The following CLK1 variants were observed in gnomAD, a reference collection of about 807,000 sequenced individuals.
The protein encoded by CLK1 is CDC like kinase 1.
CLK1 carries 40 observed loss-of-function variants against 60.9 expected under a neutral mutation model. The ratio of observed to expected loss-of-function variants is 0.66; its 90% CI spans 0.51 to 0.86. CLK1 has a LOEUF of 0.86. Ranked by LOEUF, CLK1 falls within the 40% of genes least tolerant of loss-of-function variation. CLK1 has a pLI of 0.00. For missense variants in CLK1, 563 were observed against 606.1 expected (o/e 0.93, Z 0.75); for synonymous variants, 203 against 184.4 (o/e 1.10, Z -0.82).
At chr2:200,856,415 C>A (rs2039045506) in intron 9 of CLK1, among the ~76,000 whole-genome samples, 1 of 152,078 alleles carries the variant, frequency 6.6e-6, no homozygotes, top group Non-Finnish European at 1.5e-5. Flanking sequence ...GCCACCGCGC[C>A]CCACCTGGCA....
intron 3 of CLK1, chr2:200,860,563 A>C (rs544893757): frequency 3.7e-4 from 379 of 1,023,380 alleles, no homozygotes; most frequent in Non-Finnish European, 4.4e-4. Context: ...GTTCTAATTT[A>C]ATGTTGCAAA....
At chr2:200,858,272 CAT>C (rs745420897) in intron 5 of CLK1, 183 bp from the exon 6 acceptor site, 8 of 593,294 alleles carry the variant, frequency 1.3e-5, no homozygotes, top group East Asian at 1.1e-4. Flanking sequence ...CCACCACTCA[CAT>C]GAGTTATTTT....
rs779669445 is a variant in CLK1, at chr2:200,861,298, T to A, written c.330A>T (p.Arg110Ser). The change falls in exon 3 of 13, where the codon AGA (arginine) becomes AGT (serine). Residue 110 changes from arginine to serine, a missense_variant. Coordinates refer to ENST00000321356, the MANE Select transcript of CLK1 (RefSeq NM_004071.4). ...HSSKSSGRSG[R>S]SSYKSKHRIH... ...TCCTGTGTTTGCTTTTATAACTACT[T>A]CTTCCACTTCTACCAGAAGACTTGC... The A allele has an allele frequency of 1.7e-5, 28 of 1,614,012 alleles. No homozygotes were observed. In the East Asian group the frequency reaches 2.7e-4, roughly 15 times the overall value.
Position 200,853,930 on chromosome 2 carries a change from A to C in CLK1, c.1284T>G (p.Tyr428Ter), listed in dbSNP as rs781116356. The C allele has an allele frequency of 1.2e-6, 2 of 1,612,720 alleles. No individual in the cohort carries two copies. The highest frequency in any genetic ancestry group is 3.3e-5 in the Admixed American group (2 of 59,848). The change falls in exon 12 of 13, where the codon TAT becomes TAG. Residue 428 changes from tyrosine to a stop codon, truncating the protein, a stop_gained. Coordinates refer to ENST00000321356, the MANE Select transcript of CLK1 (RefSeq NM_004071.4). LOFTEE classifies it high-confidence loss of function. ...TCAGAGGTTTACAGCGTCTTGAAACATATCTGCCGGCAGAACTGTGTTCAT... is the reference window on the plus strand; with the variant it reads ...TCAGAGGTTTACAGCGTCTTGAAACCTATCTGCCGGCAGAACTGTGTTCAT... The part of the protein sequence containing the change: ...DWDEHSSAGR[Y>*]VSRRCKPLKE...
In CLK1 at chr2:200,864,052, T is replaced by C. The variant is rs1362665299; in HGVS notation, c.-1+512A>G. 6.7e-6 allele frequency: 10 copies of C among 1,503,496 alleles called. No homozygotes were observed. In the Admixed American group the frequency reaches 1.8e-4, roughly 27 times the overall value. 93.1% of individuals were successfully genotyped at this position (1,503,496 alleles called of 1,614,324 possible). A position where few individuals can be genotyped will look rare whatever the true frequency, so the allele number is the denominator to read the frequency against. ...GATGTTTACGCCGACACTTTCATCA[T>C]TAGACATTAACTGTAACCCCTACGG... is the stretch of plus-strand genomic sequence containing the variant. On this transcript the variant is annotated intron_variant, in intron 1 of 12. Transcript: ENST00000321356.
In CLK1 at chr2:200,864,630, C is replaced by G. The variant is rs994222281; in HGVS notation, c.-67G>C. On this transcript the variant is annotated 5_prime_UTR_variant, in exon 1 of 13. Coordinates refer to ENST00000321356, the MANE Select transcript of CLK1 (RefSeq NM_004071.4). ...TAACGCAATCACGGGAATCACGCAG[C>G]TGACTGCGTCGCGCACCAACAACAA... The G allele has an allele frequency of 5.9e-6, 1 of 170,778 alleles. No individual in the cohort carries two copies. Among genetic ancestry groups the G allele is most frequent in the Non-Finnish European group, 1.3e-5 (1 of 79,910 alleles). The allele number at this position is 170,778 out of a possible 1,614,324, so 10.6% of individuals were successfully genotyped here.
intron 3 of CLK1, chr2:200,860,628 C>A (rs2039121784): frequency 1.0e-6 from 1 of 997,376 alleles, no homozygotes. Context: ...ATTAAGATTT[C>A]CTACCTAATC....
chr2:200,860,715 T>C (rs1575080285), intron 3 of CLK1: 1 of 999,464 alleles, frequency 1.0e-6, no homozygotes, highest in African/African-American at 1.7e-5. Context: ...CATACAAGAA[T>C]AACACTACGG....
chr2:200,854,885 A>C (rs1387335552), intron 10 of CLK1, 119 bp downstream of exon 10: 10 of 808,028 alleles, frequency 1.2e-5, no homozygotes, highest in Non-Finnish European at 2.0e-5. Flanking sequence ...AATATGAATT[A>C]GTTTATTTAT....
At position 200,857,767 on chromosome 2, in the gene CLK1, T is replaced by G; in HGVS notation, c.783A>C (p.Arg261=). 5 of 1,612,614 alleles carry G rather than the reference T, an allele frequency of 3.1e-6. No homozygotes were observed. The highest frequency in any genetic ancestry group is 4.2e-6 in the Non-Finnish European group (5 of 1,179,260). The change falls in exon 7 of 13, where the codon CGA becomes CGC. Residue 261 remains arginine, a synonymous_variant. Transcript: ENST00000321356. Reference sequence around the variant, plus strand: ...ATGCCATCTTTCTGATATGATCCAGTCGAAATGGTAGAAAACCATTTTCTT... The same window carrying G: ...ATGCCATCTTTCTGATATGATCCAGGCGAAATGGTAGAAAACCATTTTCTT... ...FIKENGFLPF[R]LDHIRKMAYQ...
At chr2:200,862,268 T>C (rs1407641938) in intron 1 of CLK1, among the ~76,000 whole-genome samples, 1 of 152,184 alleles carries the variant, frequency 6.6e-6, no homozygotes, top group Non-Finnish European at 1.5e-5. Flanking sequence ...CCTGCACGTA[T>C]ACATCCAGAT....
At chr2:200,864,197 G>A (rs1307608586) in intron 1 of CLK1, 6 of 1,550,152 alleles carry the variant, frequency 3.9e-6, no homozygotes, top group Non-Finnish European at 2.6e-6. Flanking sequence ...CCGGCCACAG[G>A]GCCGAAGCCG....
intron 3 of CLK1, 98 bp from the exon 4 acceptor site, chr2:200,860,313 T>G (rs1393515749): frequency 5.7e-6 from 9 of 1,574,800 alleles, no homozygotes; most frequent in Non-Finnish European, 7.8e-6. Flanking sequence ...CGGGGAGATA[T>G]TCAGGCATTC....
chr2:200,864,425 C>G, intron 1 of CLK1, 139 bp downstream of exon 1: 1 of 661,084 alleles, frequency 1.5e-6, no homozygotes, highest in Non-Finnish European at 2.4e-6. Flanking sequence ...CACTGTGCAG[C>G]CTGGGAGTGA....
chr2:200,857,725 A>G lies in CLK1; in HGVS notation c.825T>C (p.Ser275=), dbSNP rs147232813. 1 of 1,589,540 alleles carries G rather than the reference A, an allele frequency of 6.3e-7. No homozygotes were observed. Among genetic ancestry groups the G allele is most frequent in the Non-Finnish European group, 8.6e-7 (1 of 1,168,354 alleles). ...GATATACCAAGAACTTACAATTCAC[A>G]GACTTGCATATCTGATATGCCATCT... ...IRKMAYQICK[S]VNFLHSNKLT... Residue 275 remains serine, a synonymous_variant, in exon 7 of 13, where the codon TCT becomes TCC. Transcript: ENST00000321356.
At chr2:200,855,551 A>G (rs374938153) in intron 9 of CLK1, among the ~76,000 whole-genome samples, 20 of 151,906 alleles carry the variant, frequency 1.3e-4, no homozygotes, top group African/African-American at 4.8e-4. Context: ...AGTGAACCCC[A>G]TAGGCGGAGC....
chr2:200,854,919 T>C, intron 10 of CLK1, 85 bp downstream of exon 10: 1 of 1,010,934 alleles, frequency 9.9e-7, no homozygotes, highest in Non-Finnish European at 1.5e-6. Flanking sequence ...TAATAGTCTA[T>C]AATGGGGGAA....
intron 3 of CLK1, chr2:200,860,755 A>G (rs1355599665): frequency 2.0e-6 from 2 of 1,003,498 alleles, no homozygotes; most frequent in African/African-American, 1.7e-5. Flanking sequence ...GCTGATCTCC[A>G]TACTAATATA....
intron 11 of CLK1, 48 bp from the exon 12 acceptor site, chr2:200,854,041 A>G (rs754412223): frequency 1.2e-5 from 15 of 1,292,778 alleles, no homozygotes; most frequent in Admixed American, 1.9e-5. Context: ...TGAAAACTTA[A>G]AACAGCTAGC....
Sources: allele counts gnomAD v4.1 joint callset (sites outside exome capture counted in the v4.1 genomes callset), GRCh38; gene constraint gnomAD v4.1.1; transcripts MANE v1.5; gene names NCBI Gene and HGNC (gene_info 2026-07-23, HGNC 2026-07-21).